Variants in ROBO2 observed in about 807,000 individuals in gnomAD.
The protein encoded by ROBO2 is roundabout guidance receptor 2.
ROBO2 carries 53 observed loss-of-function variants against 160.8 expected under a neutral mutation model. That is an observed-to-expected ratio of 0.33 (90% CI 0.26 to 0.41). The LOEUF (loss-of-function observed/expected upper bound fraction) is 0.41, where lower values mean the gene tolerates loss of function less well. Ranked by LOEUF, ROBO2 falls within the 10% of genes least tolerant of loss-of-function variation. ROBO2 has a pLI of 1.00. For synonymous variants in ROBO2, 664 were observed against 611.7 expected, an observed-to-expected ratio of 1.09 and a Z score of -1.26; for missense variants, 1,577 against 1,722.4, an observed-to-expected ratio of 0.92 and a Z score of 1.49.
intron 2 of ROBO2, among the ~76,000 whole-genome samples, chr3:77,244,896 AAAAG>A (rs960904102): frequency 7.3e-5 from 11 of 150,978 alleles, no homozygotes; most frequent in Non-Finnish European, 1.6e-4. Flanking sequence ...AAAAAAGAAA[AAAAG>A]AAAGAAAAGA....
chr3:76,037,782 T>G (rs1334593676), intron 2 of ROBO2, among the ~76,000 whole-genome samples: 2 of 151,698 alleles, frequency 1.3e-5, no homozygotes, highest in African/African-American at 2.4e-5. Flanking sequence ...AAAGATAGAG[T>G]GATATTATAG....
At chr3:76,873,595 G>A (rs3884332) in intron 2 of ROBO2, among the ~76,000 whole-genome samples, 19,343 of 151,774 alleles carry the variant, frequency 0.13, 1,524 homozygotes, top group South Asian at 0.21. Context: ...CGTCGTTGTC[G>A]TCGTCGTAGT....
chr3:76,801,353 C>T (rs978353803), intron 2 of ROBO2, among the ~76,000 whole-genome samples: 1 of 152,032 alleles, frequency 6.6e-6, no homozygotes, highest in Non-Finnish European at 1.5e-5. Flanking sequence ...TATTTGATAG[C>T]ACAACAGGAT....
intron 2 of ROBO2, among the ~76,000 whole-genome samples, chr3:77,198,142 T>C (rs1372542081): frequency 6.6e-6 from 1 of 152,222 alleles, no homozygotes; most frequent in Non-Finnish European, 1.5e-5. Context: ...GGCACAGTTT[T>C]TCAAATTTTG....
intron 2 of ROBO2, among the ~76,000 whole-genome samples, chr3:75,982,626 A>T (rs1160221138): frequency 6.6e-6 from 1 of 151,520 alleles, no homozygotes; most frequent in African/African-American, 2.4e-5. Context: ...AGAAGAAAAT[A>T]AGTCCCAGGA....
At chr3:76,150,278 TCATCTGTCTAAAACACA>T (rs1251084713) in intron 2 of ROBO2, among the ~76,000 whole-genome samples, 1 of 109,744 alleles carries the variant, frequency 9.1e-6, no homozygotes, top group Non-Finnish European at 1.9e-5. Context: ...TTTAAAACAC[TCATCTGTCTAAAACACA>T]CATCTGTCTA....
At chr3:76,244,042 G>T (rs1705467974) in intron 2 of ROBO2, among the ~76,000 whole-genome samples, 1 of 152,108 alleles carries the variant, frequency 6.6e-6, no homozygotes, top group African/African-American at 2.4e-5. Context: ...TGTATTTACT[G>T]TGCCAGGCAC....
In ROBO2 at chr3:75,967,012, A is replaced by G. The variant is rs540397410; in HGVS notation, c.109+29410A>G. 2.6e-5 allele frequency among the ~76,000 whole-genome samples: 4 copies of G among 151,716 alleles called. No homozygotes were observed. In the South Asian group the frequency reaches 6.2e-4, roughly 24 times the overall value. ...ATTTCCACAATGTGTGTGTGTGTGC[A>G]TGTGTATTTATTAATATGTTTTATT... On this transcript the variant is annotated intron_variant, in intron 2 of 26. Coordinates refer to the ROBO2 transcript ENST00000487694.
chr3:76,882,696 A>C, intron 2 of ROBO2, among the ~76,000 whole-genome samples: 1 of 152,168 alleles, frequency 6.6e-6, no homozygotes, highest in Middle Eastern at 3.2e-3. Context: ...ATCTATCAGA[A>C]TCTTACGGGG....
At chr3:77,211,599 T>C (rs2084169439) in intron 2 of ROBO2, among the ~76,000 whole-genome samples, 1 of 152,224 alleles carries the variant, frequency 6.6e-6, no homozygotes, top group South Asian at 2.1e-4. Flanking sequence ...TTTGTCAATT[T>C]TGGCTTTTGT....
At chr3:77,104,439 A>G (rs1233160546) in intron 2 of ROBO2, among the ~76,000 whole-genome samples, 1 of 152,128 alleles carries the variant, frequency 6.6e-6, no homozygotes, top group East Asian at 1.9e-4. Context: ...TCATGGTATC[A>G]ACATAACCAC....
intron 2 of ROBO2, among the ~76,000 whole-genome samples, chr3:76,362,222 G>A (rs1432026386): frequency 2.0e-5 from 3 of 151,906 alleles, no homozygotes; most frequent in Non-Finnish European, 4.4e-5. Context: ...AAATTAGCTG[G>A]ATGGGTTGAG....
At chr3:76,344,883 C>G (rs1050293714) in intron 2 of ROBO2, among the ~76,000 whole-genome samples, 2 of 151,996 alleles carry the variant, frequency 1.3e-5, no homozygotes, top group African/African-American at 4.8e-5. Flanking sequence ...GTTTAATACA[C>G]CTTATTATAC....
At chr3:77,464,338 A>C (rs372844474) in intron 2 of ROBO2, among the ~76,000 whole-genome samples, 2 of 152,180 alleles carry the variant, frequency 1.3e-5, no homozygotes, top group South Asian at 4.1e-4. Context: ...CAAGTCCCTA[A>C]GAGGAACTGG....
chr3:77,488,181 C>A (rs1481342374), intron 4 of ROBO2, among the ~76,000 whole-genome samples: 1 of 152,152 alleles, frequency 6.6e-6, no homozygotes, highest in Non-Finnish European at 1.5e-5. Flanking sequence ...GAGAGCCATA[C>A]TTTACAGAAA....
At chr3:77,578,274 A>C (rs1236574337) in intron 15 of ROBO2, among the ~76,000 whole-genome samples, 1 of 152,148 alleles carries the variant, frequency 6.6e-6, no homozygotes, top group Non-Finnish European at 1.5e-5. Flanking sequence ...CGTTTTCAAA[A>C]TAAGATTCTG....
At chr3:77,141,240 C>T (rs954070172) in intron 2 of ROBO2, among the ~76,000 whole-genome samples, 1 of 152,068 alleles carries the variant, frequency 6.6e-6, no homozygotes, top group Non-Finnish European at 1.5e-5. Flanking sequence ...CTGAGCAGTA[C>T]TTACTCTTTC....
intron 2 of ROBO2, among the ~76,000 whole-genome samples, chr3:76,626,817 C>G (rs567075695): frequency 6.6e-6 from 1 of 152,018 alleles, no homozygotes; most frequent in African/African-American, 2.4e-5. Context: ...CTCAGCCTCC[C>G]GAGTAGCTGG....
intron 2 of ROBO2, among the ~76,000 whole-genome samples, chr3:76,354,017 T>C (rs996605031): frequency 2.0e-5 from 3 of 151,890 alleles, no homozygotes; most frequent in East Asian, 1.9e-4. Context: ...AATAGCAACA[T>C]TAGATGTCTG....
Sources: gnomAD v4.1 joint callset for allele counts (sites outside exome capture counted in the v4.1 genomes callset) on GRCh38, gnomAD v4.1.1 for gene constraint, MANE v1.5 for transcripts, NCBI Gene and HGNC (gene_info 2026-07-23, HGNC 2026-07-21) for gene names.